NTN1: variants seen among roughly 807,000 people sequenced by gnomAD.
NTN1 encodes netrin-1.
NTN1 carries 11 observed loss-of-function variants against 54.2 expected under a neutral mutation model. The ratio of observed to expected loss-of-function variants is 0.20; its 90% CI spans 0.13 to 0.34. NTN1 has a LOEUF of 0.34. Among genes scored for constraint, NTN1 ranks in the 10% least tolerant of loss-of-function variants. The pLI is 1.00. For missense variants in NTN1, 740 were observed against 893.1 expected (o/e 0.83, Z 2.18); for synonymous variants, 371 against 382.0 (o/e 0.97, Z 0.33).
At chr17:9,164,135 A>G (rs2092367087) in intron 3 of NTN1, among the ~76,000 whole-genome samples, 1 of 152,206 alleles carries the variant, frequency 6.6e-6, no homozygotes, top group African/African-American at 2.4e-5. Context: ...TGACTGCATA[A>G]TTTGCAGGGC....
At chr17:9,233,377 CACCGGCCGG>C (rs1265598304) in intron 6 of NTN1, among the ~76,000 whole-genome samples, 1 of 152,036 alleles carries the variant, frequency 6.6e-6, no homozygotes, top group African/African-American at 2.4e-5. Context: ...ATAACTTCTG[CACCGGCCGG>C]ACAGCTTTCC....
At chr17:9,168,133 C>G (rs1159232991) in intron 3 of NTN1, among the ~76,000 whole-genome samples, 1 of 151,590 alleles carries the variant, frequency 6.6e-6, no homozygotes, top group African/African-American at 2.4e-5. Context: ...CAGCCTAGAC[C>G]CCAGGTTTAT....
chr17:9,162,982 C>T lies in NTN1; in HGVS notation c.1188C>T (p.Thr396=), dbSNP rs748496958. The T allele has an allele frequency of 2.5e-6, 4 of 1,611,474 alleles. No homozygotes were observed. The African/African-American group carries it at 5.3e-5, about 22-fold the overall frequency. ...ACCGCGACATGGGCAAGCCCATCAC[C>T]CACCGGAAGGCCTGCAAAGGTGGGC... ...GYYRDMGKPI[T]HRKACKACDC... The change falls in exon 3 of 7, where the codon ACC becomes ACT. Residue 396 remains threonine, a synonymous_variant. Coordinates refer to ENST00000173229, the MANE Select transcript of NTN1 (RefSeq NM_004822.3).
chr17:9,060,327 G>A (rs1412074154), intron 2 of NTN1, among the ~76,000 whole-genome samples: 1 of 151,994 alleles, frequency 6.6e-6, no homozygotes, highest in Non-Finnish European at 1.5e-5. Context: ...TTTCTAACAT[G>A]TTTTATTGTA....
intron 2 of NTN1, among the ~76,000 whole-genome samples, chr17:9,116,417 T>C (rs2092212621): frequency 6.6e-6 from 1 of 151,836 alleles, no homozygotes. Context: ...TTCTAGAGTC[T>C]CTACTCGCTG....
intron 2 of NTN1, among the ~76,000 whole-genome samples, chr17:9,125,165 A>G (rs1004969201): frequency 1.3e-5 from 2 of 151,700 alleles, no homozygotes; most frequent in African/African-American, 2.4e-5. Context: ...GGGCTCAAGC[A>G]GTCCTCCCAC....
Position 9,073,705 on chromosome 17 carries a change from A to C in NTN1, c.1018+50314A>C, listed in dbSNP as rs114803855. Among the ~76,000 whole-genome samples, 105 of 152,294 alleles carry C rather than the reference A, an allele frequency of 6.9e-4. 1 individual carries two copies. The Middle Eastern group carries it at 0.01, about 15-fold the overall frequency. ...CCTCTTACAAGGTCAGTTTTTGAAG[A>C]GAGAATATGGGAATTGCACCTGTTG... On this transcript the variant is annotated intron_variant, in intron 2 of 6. Transcript: ENST00000173229.
the NTN1 span, among the ~76,000 whole-genome samples, chr17:9,004,437 T>A: frequency 2.0e-5 from 3 of 152,260 alleles, no homozygotes; most frequent in African/African-American, 4.8e-5. Flanking sequence ...GACCCTCGGG[T>A]CCGCCTGGGG....
intron 2 of NTN1, among the ~76,000 whole-genome samples, chr17:9,142,587 C>T (rs769614380): frequency 1.9e-4 from 29 of 151,408 alleles, no homozygotes; most frequent in South Asian, 6.3e-4. Context: ...TTGAAGAGGG[C>T]GGGGAAGGCT....
At chr17:9,224,975 A>G (rs1340155270) in intron 6 of NTN1, among the ~76,000 whole-genome samples, 1 of 152,096 alleles carries the variant, frequency 6.6e-6, no homozygotes, top group African/African-American at 2.4e-5. Flanking sequence ...TGGTTCCAGG[A>G]CTGTTCCTGG....
intron 6 of NTN1, among the ~76,000 whole-genome samples, chr17:9,225,462 C>T (rs1008444417): frequency 2.6e-5 from 4 of 152,050 alleles, no homozygotes; most frequent in Admixed American, 6.5e-5. Context: ...CAGGGGCTGG[C>T]GGGGGGCCCT....
intron 2 of NTN1, among the ~76,000 whole-genome samples, chr17:9,109,577 A>G (rs879787058): frequency 5.3e-5 from 8 of 152,244 alleles, no homozygotes; most frequent in Admixed American, 2.6e-4. Flanking sequence ...TATTATAAAC[A>G]TTGTTGCAAT....
intron 2 of NTN1, among the ~76,000 whole-genome samples, chr17:9,126,370 C>T (rs1349757541): frequency 8.5e-5 from 13 of 152,266 alleles, no homozygotes; most frequent in Admixed American, 2.6e-4. Flanking sequence ...ATTAGCCGGG[C>T]GTGGTGGCGC....
chr17:9,170,072 G>A (rs886074067), intron 3 of NTN1, among the ~76,000 whole-genome samples: 9 of 152,244 alleles, frequency 5.9e-5, no homozygotes, highest in Admixed American at 3.3e-4. Flanking sequence ...CAGGTGGCAC[G>A]GGGATAGTAA....
At chr17:9,140,540 C>T (rs2092294835) in intron 2 of NTN1, among the ~76,000 whole-genome samples, 1 of 152,208 alleles carries the variant, frequency 6.6e-6, no homozygotes, top group Non-Finnish European at 1.5e-5. Context: ...GGTCAGACCC[C>T]TATGACAGTG....
chr17:9,215,250 T>TACAC (rs58245153), intron 5 of NTN1, among the ~76,000 whole-genome samples: 10,283 of 138,200 alleles, frequency 0.074, 362 homozygotes, highest in Admixed American at 0.11. Flanking sequence ...GCTAGATAGA[T>TACAC]ACACACACAC....
At chr17:9,152,180 ACACT>A (rs1298372903) in intron 2 of NTN1, among the ~76,000 whole-genome samples, 1 of 152,096 alleles carries the variant, frequency 6.6e-6, no homozygotes, top group African/African-American at 2.4e-5. Context: ...AAGAGCTGTA[ACACT>A]CACCGCCAAG....
chr17:9,017,182 C>A (rs2091833686), upstream of NTN1, among the ~76,000 whole-genome samples: 1 of 152,120 alleles, frequency 6.6e-6, no homozygotes, highest in African/African-American at 2.4e-5. Context: ...AATAAAAAAT[C>A]CCAACCTTCC....
intron 2 of NTN1, among the ~76,000 whole-genome samples, chr17:9,109,877 C>T (rs2092184194): frequency 6.6e-6 from 1 of 152,178 alleles, no homozygotes; most frequent in Non-Finnish European, 1.5e-5. Context: ...TGAGGTTAAG[C>T]ATCTTTTCAT....
Sources: gnomAD v4.1 joint callset for allele counts (sites outside exome capture counted in the v4.1 genomes callset) on GRCh38, gnomAD v4.1.1 for gene constraint, MANE v1.5 for transcripts, NCBI Gene and HGNC (gene_info 2026-07-23, HGNC 2026-07-21) for gene names.